The following NCMAP variants were observed in gnomAD, a reference collection of about 807,000 sequenced individuals.
NCMAP encodes the protein noncompact myelin-associated protein.
NCMAP carries 8 observed loss-of-function variants against 7.8 expected under a neutral mutation model. The observed-to-expected ratio is 1.02, with a 90% CI of 0.60 to 1.84. The LOEUF is 1.84. NCMAP is among the 40% of genes most tolerant of loss of function. The pLI is 0.00. For synonymous variants in NCMAP, 41 were observed against 52.9 expected, an observed-to-expected ratio of 0.78 and a Z score of 0.98; for missense variants, 112 against 131.4, an observed-to-expected ratio of 0.85 and a Z score of 0.72.
intron 3 of NCMAP, 34 bp downstream of exon 3, chr1:24,601,058 C>G: frequency 1.3e-6 from 2 of 1,576,288 alleles, no homozygotes; most frequent in African/African-American, 1.3e-5. Flanking sequence ...ACTGCCTGGA[C>G]GGTCCCTTCA....
chr1:24,564,900 T>A (rs1651176817), intron 1 of NCMAP, among the ~76,000 whole-genome samples: 1 of 152,106 alleles, frequency 6.6e-6, no homozygotes, highest in African/African-American at 2.4e-5. Flanking sequence ...AAGAACTCTT[T>A]CAATCCAGAA....
intron 1 of NCMAP, among the ~76,000 whole-genome samples, chr1:24,577,237 T>C (rs1472192846): frequency 6.6e-6 from 1 of 152,000 alleles, no homozygotes; most frequent in Non-Finnish European, 1.5e-5. Context: ...ATGCAGATAC[T>C]CCCAGAGAAT....
At chr1:24,578,806 A>G (rs1651665754) in intron 1 of NCMAP, among the ~76,000 whole-genome samples, 2 of 151,804 alleles carry the variant, frequency 1.3e-5, no homozygotes, top group South Asian at 2.1e-4. Context: ...GCCTCAAGCA[A>G]TCCTCCTGCC....
At chr1:24,569,106 AC>A (rs1353901208) in intron 1 of NCMAP, among the ~76,000 whole-genome samples, 8 of 151,736 alleles carry the variant, frequency 5.3e-5, no homozygotes, top group African/African-American at 1.9e-4. Flanking sequence ...CAATTCTCCC[AC>A]CTCAGCCTCC....
Sources: allele counts gnomAD v4.1 joint callset (sites outside exome capture counted in the v4.1 genomes callset), GRCh38; gene constraint gnomAD v4.1.1; transcripts MANE v1.5; gene names NCBI Gene and HGNC (gene_info 2026-07-23, HGNC 2026-07-21).